LOXL2: variants seen among roughly 807,000 people sequenced by gnomAD.
LOXL2 encodes the protein lysyl oxidase like 2.
LOXL2 carries 70 observed loss-of-function variants against 93.0 expected under a neutral mutation model. That is an observed-to-expected ratio of 0.75 (90% CI 0.62 to 0.92). The LOEUF (loss-of-function observed/expected upper bound fraction) is 0.92. LOXL2 is among the 40% of genes least tolerant of loss of function. The pLI, the probability that LOXL2 is intolerant of heterozygous loss-of-function variation, is 0.00. For synonymous variants in LOXL2, 438 were observed against 413.2 expected (o/e 1.06, Z -0.73); for missense variants, 973 against 1,054.9 (o/e 0.92, Z 1.08).
chr8:23,339,383 G>GA (rs1803844517), intron 4 of LOXL2, among the ~76,000 whole-genome samples: 1 of 152,170 alleles, frequency 6.6e-6, no homozygotes, highest in South Asian at 2.1e-4. Context: ...CCCCGTCCTT[G>GA]AAAAGGCAAA....
At chr8:23,391,453 C>A (rs1804842777) in intron 1 of LOXL2, among the ~76,000 whole-genome samples, 3 of 152,128 alleles carry the variant, frequency 2.0e-5, no homozygotes, top group Non-Finnish European at 2.9e-5. Flanking sequence ...CAGCAACAAT[C>A]TGGACAAAAT....
chr8:23,313,181 T>C (rs1250413501), intron 9 of LOXL2, among the ~76,000 whole-genome samples: 3 of 152,332 alleles, frequency 2.0e-5, no homozygotes, highest in South Asian at 4.1e-4. Flanking sequence ...TCCATGCTCA[T>C]GGATAGGAAG....
At chr8:23,342,597 A>G (rs553266023) in intron 3 of LOXL2, among the ~76,000 whole-genome samples, 1 of 151,788 alleles carries the variant, frequency 6.6e-6, no homozygotes, top group South Asian at 2.1e-4. Flanking sequence ...ACACCCGGCC[A>G]ATTGTTTGTA....
At chr8:23,314,892 T>C (rs1179279132) in intron 9 of LOXL2, among the ~76,000 whole-genome samples, 1 of 152,060 alleles carries the variant, frequency 6.6e-6, no homozygotes. Context: ...AAGTAGCCTG[T>C]GCCAGGCCCC....
chr8:23,328,708 G>GGT, intron 5 of LOXL2, 143 bp from the exon 6 acceptor site: 1 of 422,722 alleles, frequency 2.4e-6, no homozygotes, highest in Non-Finnish European at 4.2e-6. Context: ...TTGATGTATG[G>GGT]ATGTGTGTGT....
chr8:23,346,864 C>A (rs1020425585), intron 3 of LOXL2, among the ~76,000 whole-genome samples: 1 of 152,330 alleles, frequency 6.6e-6, no homozygotes, highest in African/African-American at 2.4e-5. Context: ...GGTGGCAGGA[C>A]AATGCTGGGA....
At chr8:23,338,490 G>C (rs964659275) in intron 4 of LOXL2, among the ~76,000 whole-genome samples, 3 of 152,176 alleles carry the variant, frequency 2.0e-5, no homozygotes, top group African/African-American at 4.8e-5. Context: ...GGTCCTTCAC[G>C]GGCCTTGGTG....
Position 23,323,862 on chromosome 8 carries a change from C to T in LOXL2, c.1151-1581G>A, listed in dbSNP as rs538990986. On this transcript the variant is annotated intron_variant, in intron 6 of 13. Coordinates refer to ENST00000389131, the MANE Select transcript of LOXL2 (RefSeq NM_002318.3). The stretch of plus-strand genomic sequence containing the variant: ...AAATACAGGCACATGCCACCATGCC[C>T]AGCTAATTTTTGTGTTTTTAGTAGA... 9.2e-5 allele frequency among the ~76,000 whole-genome samples: 14 copies of T among 152,160 alleles called. No individual in the cohort carries two copies. The South Asian group carries it at 1.9e-3, about 20-fold the overall frequency.
At chr8:23,398,026 G>C (rs1306396540) in intron 1 of LOXL2, among the ~76,000 whole-genome samples, 1 of 148,616 alleles carries the variant, frequency 6.7e-6, no homozygotes. Context: ...AATTGTTTTA[G>C]AAAGATATTT....
intron 11 of LOXL2, among the ~76,000 whole-genome samples, chr8:23,302,903 G>C (rs1803164192): frequency 6.6e-6 from 1 of 152,198 alleles, no homozygotes; most frequent in Admixed American, 6.5e-5. Context: ...GTGACACCTG[G>C]TGTGGTAGGG....
rs1272657582 is a variant in LOXL2, at chr8:23,380,731, G to C, written c.-83-12297C>G. 2.0e-5 allele frequency among the ~76,000 whole-genome samples: 3 copies of C among 152,234 alleles called. No individual in the cohort carries two copies. In the East Asian group the frequency reaches 5.8e-4, roughly 29 times the overall value. Reference sequence around the variant, plus strand: ...CAAACAAGTGAAAGGAAGAAAATAAGGGCTGGGCACAGTGGTTCAAGCCTG... The same window carrying C: ...CAAACAAGTGAAAGGAAGAAAATAACGGCTGGGCACAGTGGTTCAAGCCTG... On this transcript the variant is annotated intron_variant, in intron 1 of 13. Transcript: ENST00000389131.
chr8:23,336,500 G>A (rs557338411), intron 4 of LOXL2: 5 of 152,496 alleles, frequency 3.3e-5, no homozygotes, highest in African/African-American at 7.2e-5. Context: ...GCAGCCTTGA[G>A]TGGAGTGGAG....
chr8:23,317,044 G>T lies in LOXL2; in HGVS notation c.1541C>A (p.Thr514Lys), dbSNP rs146073991. 1 of 1,614,176 alleles carries T rather than the reference G, an allele frequency of 6.2e-7. No individual in the cohort carries two copies. The highest frequency in any genetic ancestry group is 8.5e-7 in the Non-Finnish European group (1 of 1,180,008). The change falls in exon 9 of 14, where the codon ACG becomes AAG. Residue 514 changes from threonine (T) to lysine (K), a missense_variant. Coordinates refer to ENST00000389131, the MANE Select transcript of LOXL2 (RefSeq NM_002318.3). ...GCGGCAGTGCGCCAGGGACAGCTCC[G>T]TTCCCGAGCACTTCACTCCACTCAT... ...VVMSGVKCSG[T>K]ELSLAHCRHD...
intron 5 of LOXL2, among the ~76,000 whole-genome samples, chr8:23,329,450 C>T (rs1001918271): frequency 6.6e-6 from 1 of 152,206 alleles, no homozygotes; most frequent in Non-Finnish European, 1.5e-5. Context: ...GTCTTGGCCA[C>T]AGTGCATCAT....
chr8:23,347,959 G>T (rs1473938192), intron 3 of LOXL2, among the ~76,000 whole-genome samples: 2 of 152,094 alleles, frequency 1.3e-5, no homozygotes, highest in Admixed American at 1.3e-4. Context: ...CAACCCAAAT[G>T]TCCTTCAATG....
chr8:23,372,465 G>A (rs1804511949), intron 1 of LOXL2, among the ~76,000 whole-genome samples: 1 of 152,116 alleles, frequency 6.6e-6, no homozygotes, highest in Admixed American at 6.6e-5. Context: ...TGATCCATCC[G>A]CCTCAGCCTC....
intron 3 of LOXL2, among the ~76,000 whole-genome samples, chr8:23,359,195 G>T (rs549297352): frequency 1.6e-4 from 25 of 152,072 alleles, no homozygotes; most frequent in African/African-American, 5.5e-4. Flanking sequence ...CAGCTACATT[G>T]GCCAGTGGTA....
At chr8:23,356,541 G>A (rs1804202581) in intron 3 of LOXL2, among the ~76,000 whole-genome samples, 1 of 152,164 alleles carries the variant, frequency 6.6e-6, no homozygotes, top group Non-Finnish European at 1.5e-5. Context: ...AGAATCTTCT[G>A]GCAACTCAAG....
At chr8:23,396,119 G>A (rs1252400915) in intron 1 of LOXL2, among the ~76,000 whole-genome samples, 8 of 152,100 alleles carry the variant, frequency 5.3e-5, no homozygotes, top group Non-Finnish European at 1.0e-4. Context: ...GGGAGTTCGG[G>A]AGCAGCCTGA....
Sources: allele counts gnomAD v4.1 joint callset (sites outside exome capture counted in the v4.1 genomes callset), GRCh38; gene constraint gnomAD v4.1.1; transcripts MANE v1.5; gene names NCBI Gene and HGNC (gene_info 2026-07-23, HGNC 2026-07-21).